The following AP2B1 variants were observed in gnomAD, a reference collection of about 807,000 sequenced individuals.
AP2B1 encodes the protein adaptor related protein complex 2 subunit beta 1.
In AP2B1, 23 loss-of-function variants were observed where a neutral mutation model predicts 102.0. That is an observed-to-expected ratio of 0.23 (90% CI 0.16 to 0.32). AP2B1 has a LOEUF of 0.32. Ranked by LOEUF, AP2B1 falls within the 10% of genes least tolerant of loss-of-function variation. The pLI, the probability that AP2B1 is intolerant of heterozygous loss-of-function variation, is 1.00. For synonymous variants in AP2B1, 381 were observed against 421.2 expected, an observed-to-expected ratio of 0.90 and a Z score of 1.17; for missense variants, 541 against 1,157.4, an observed-to-expected ratio of 0.47 and a Z score of 7.73.
At chr17:35,697,621 C>T (rs1198215737) in intron 18 of AP2B1, among the ~76,000 whole-genome samples, 1 of 152,164 alleles carries the variant, frequency 6.6e-6, no homozygotes, top group Non-Finnish European at 1.5e-5. Context: ...AGAACCCTGT[C>T]TTTTTCCTAA....
At chr17:35,612,096 C>T (rs891156968) in intron 5 of AP2B1, among the ~76,000 whole-genome samples, 4 of 152,178 alleles carry the variant, frequency 2.6e-5, no homozygotes. Context: ...AGCAGGGTGT[C>T]AGCATTAGAT....
chr17:35,723,014 G>C (rs1435375577), intron 21 of AP2B1, among the ~76,000 whole-genome samples: 2 of 152,208 alleles, frequency 1.3e-5, no homozygotes, highest in African/African-American at 4.8e-5. Context: ...TAAAGAGGCA[G>C]AAAATAAAAG....
intron 14 of AP2B1, among the ~76,000 whole-genome samples, chr17:35,665,623 G>A (rs1355410673): frequency 6.6e-6 from 1 of 152,124 alleles, no homozygotes; most frequent in African/African-American, 2.4e-5. Context: ...TACTATTTTT[G>A]CACCATTCTG....
Position 35,709,205 on chromosome 17 carries a change from C to T in AP2B1, c.2455-19C>T, listed in dbSNP as rs199593864. The T allele has an allele frequency of 6.2e-7, 1 of 1,612,562 alleles. No individual in the cohort carries two copies. Among genetic ancestry groups the T allele is most frequent in the African/African-American group, 1.3e-5 (1 of 74,968 alleles). Reference sequence around the variant, plus strand: ...GCTCCCTGCGATGTCCTCATTTGACCTTGTTGCTTTCCTGGCAGGTGGCTG... The same window carrying T: ...GCTCCCTGCGATGTCCTCATTTGACTTTGTTGCTTTCCTGGCAGGTGGCTG... On this transcript the variant is annotated intron_variant, in intron 18 of 21. Coordinates refer to ENST00000610402, the MANE Select transcript of AP2B1 (RefSeq NM_001030006.2).
intron 12 of AP2B1, among the ~76,000 whole-genome samples, chr17:35,649,970 G>A (rs1459063497): frequency 6.6e-6 from 1 of 151,920 alleles, no homozygotes; most frequent in Non-Finnish European, 1.5e-5. Context: ...TATTTTTTGA[G>A]ACAGAGTTTT....
At chr17:35,592,717 A>G (rs2079657230) in intron 1 of AP2B1, among the ~76,000 whole-genome samples, 1 of 151,996 alleles carries the variant, frequency 6.6e-6, no homozygotes, top group African/African-American at 2.4e-5. Context: ...TAAATTTTGT[A>G]TTTTTAGCAG....
intron 18 of AP2B1, among the ~76,000 whole-genome samples, chr17:35,708,202 G>A (rs1432694504): frequency 1.3e-5 from 2 of 152,142 alleles, no homozygotes; most frequent in African/African-American, 2.4e-5. Flanking sequence ...AAAGAAACAG[G>A]TATAGTTACT....
Position 35,608,324 on chromosome 17 carries a change from A to C in AP2B1, c.462A>C (p.Gln154His). ...CAAAACTCCATGATATCAATGCCCA[A>C]ATGGTGGAAGATCAGGGATTTCTGG... ...CVAKLHDINAQMVEDQGFLDS... is the reference protein window; with the variant it reads ...CVAKLHDINAHMVEDQGFLDS... Residue 154 changes from glutamine (Q) to histidine (H), a missense_variant, in exon 5 of 22, where the codon CAA (glutamine) becomes CAC (histidine). This residue lies in a region of AP2B1 where 134 missense variants were observed against 250.2 expected (regional missense o/e 0.54). Transcript: ENST00000610402. 6.2e-7 allele frequency: 1 copy of C among 1,614,176 alleles called. No homozygotes were observed. The highest frequency in any genetic ancestry group is 8.5e-7 in the Non-Finnish European group (1 of 1,180,018).
chr17:35,604,114 A>G (rs190336379), intron 3 of AP2B1, among the ~76,000 whole-genome samples: 394 of 152,042 alleles, frequency 2.6e-3, no homozygotes, highest in African/African-American at 9.0e-3. Context: ...GTTATTTTTT[A>G]TTTTTATTTT....
intron 21 of AP2B1, among the ~76,000 whole-genome samples, chr17:35,723,087 T>G (rs1555593704): frequency 6.6e-6 from 1 of 152,232 alleles, no homozygotes; most frequent in African/African-American, 2.4e-5. Flanking sequence ...CATGTTCTTG[T>G]CTTCCCTCTT....
chr17:35,637,035 A>G (rs956509573), intron 10 of AP2B1, among the ~76,000 whole-genome samples: 1 of 152,244 alleles, frequency 6.6e-6, no homozygotes. Context: ...TTTTTACTTC[A>G]CAAGTTTTTC....
chr17:35,721,108 C>T (rs1165874603), intron 21 of AP2B1, among the ~76,000 whole-genome samples: 2 of 150,170 alleles, frequency 1.3e-5, no homozygotes, highest in African/African-American at 4.9e-5. Context: ...CCCTTAGTCT[C>T]CTAAGAGGGG....
chr17:35,655,985 T>C (rs1323303163), intron 13 of AP2B1, among the ~76,000 whole-genome samples: 3 of 152,240 alleles, frequency 2.0e-5, no homozygotes, highest in African/African-American at 4.8e-5. Flanking sequence ...GAATTCCTTA[T>C]ATAATTTGGA....
chr17:35,625,873 G>A (rs2074300261), intron 6 of AP2B1, among the ~76,000 whole-genome samples: 2 of 152,086 alleles, frequency 1.3e-5, no homozygotes, highest in Admixed American at 1.3e-4. Flanking sequence ...GAAGAGAGAA[G>A]TACAGCCTAT....
chr17:35,704,920 A>G (rs2076309941), intron 18 of AP2B1, among the ~76,000 whole-genome samples: 1 of 151,918 alleles, frequency 6.6e-6, no homozygotes, highest in Non-Finnish European at 1.5e-5. Context: ...AATCCCAGCT[A>G]CTCAGGAGGC....
chr17:35,680,686 G>GTTTTTTTTTGT (rs2075799059), intron 17 of AP2B1, among the ~76,000 whole-genome samples: 19 of 59,920 alleles, frequency 3.2e-4, no homozygotes, highest in East Asian at 7.9e-4. Context: ...TATGGTTTTG[G>GTTTTTTTTTGT]TTTTTTTTTT....
At chr17:35,680,048 G>A (rs1161484455) in intron 17 of AP2B1, among the ~76,000 whole-genome samples, 5 of 151,152 alleles carry the variant, frequency 3.3e-5, no homozygotes, top group Admixed American at 6.6e-5. Context: ...AATTACAGAC[G>A]CCCACGACCA....
At chr17:35,666,960 AT>A (rs1341670613) in intron 14 of AP2B1, among the ~76,000 whole-genome samples, 1 of 152,062 alleles carries the variant, frequency 6.6e-6, no homozygotes, top group African/African-American at 2.4e-5. Context: ...AATGAAGTAA[AT>A]TTTTTTCTTT....
chr17:35,676,745 T>C (rs2075710195), intron 17 of AP2B1, among the ~76,000 whole-genome samples: 1 of 152,168 alleles, frequency 6.6e-6, no homozygotes, highest in African/African-American at 2.4e-5. Context: ...TGCATTTCCC[T>C]AATGACTACT....
Sources: gnomAD v4.1 joint callset for allele counts (sites outside exome capture counted in the v4.1 genomes callset) on GRCh38, gnomAD v4.1.1 for gene constraint, gnomAD v4.1.1 regional missense constraint, MANE v1.5 for transcripts, NCBI Gene and HGNC (gene_info 2026-07-23, HGNC 2026-07-21) for gene names.